Variants in EMB observed in about 807,000 individuals in gnomAD.
EMB encodes embigin, also known as embigin homolog.
EMB carries 31 observed loss-of-function variants against 41.4 expected under a neutral mutation model. That is an observed-to-expected ratio of 0.75 (90% CI 0.56 to 1.01). EMB has a LOEUF of 1.01. Among genes scored for constraint, EMB ranks in the 50% least tolerant of loss-of-function variants. The pLI is 0.00. For missense variants in EMB, 379 were observed against 388.3 expected, an observed-to-expected ratio of 0.98 and a Z score of 0.20; for synonymous variants, 137 against 140.4, an observed-to-expected ratio of 0.98 and a Z score of 0.17.
At position 50,441,164 on chromosome 5, in the gene EMB, T is replaced by C; in HGVS notation, c.-13A>G. 1 of 1,444,290 alleles carries C rather than the reference T, an allele frequency of 6.9e-7. No individual in the cohort carries two copies. The highest frequency in any genetic ancestry group is 9.2e-7 in the Non-Finnish European group (1 of 1,092,896). 89.5% of individuals were successfully genotyped at this position (1,444,290 alleles called of 1,614,324 possible). ...GGAGGGCGCGCATGGCGCCAGAGGG[T>C]CCGCCTGGGTCCTCGTGGAGACTGC... On this transcript the variant is annotated 5_prime_UTR_variant, in exon 1 of 9. Transcript: ENST00000303221.
At chr5:50,414,528 C>CAA (rs34645448) in intron 2 of EMB, among the ~76,000 whole-genome samples, 737 of 46,668 alleles carry the variant, frequency 0.016, 47 homozygotes, top group African/African-American at 0.026. Flanking sequence ...CTGTCTCAGG[C>CAA]AAAAAAAAAA....
chr5:50,406,659 A>C (rs1212738353), intron 4 of EMB, among the ~76,000 whole-genome samples: 1 of 152,036 alleles, frequency 6.6e-6, no homozygotes, highest in Non-Finnish European at 1.5e-5. Flanking sequence ...AGGTACACTT[A>C]CACTGAAGAT....
At chr5:50,428,556 TGA>T in intron 1 of EMB, 1 of 999,592 alleles carries the variant, frequency 1.0e-6, no homozygotes, top group Non-Finnish European at 1.2e-6. Flanking sequence ...AGGAATCAGA[TGA>T]GAGAGCCAGA....
At chr5:50,426,769 A>C (rs1293597633) in intron 2 of EMB, among the ~76,000 whole-genome samples, 1 of 152,136 alleles carries the variant, frequency 6.6e-6, no homozygotes, top group Non-Finnish European at 1.5e-5. Context: ...CCATTTACAA[A>C]TAGTAGGTTA....
chr5:50,437,611 C>T (rs1405834310), intron 1 of EMB, among the ~76,000 whole-genome samples: 2 of 151,094 alleles, frequency 1.3e-5, no homozygotes, highest in South Asian at 2.1e-4. Context: ...CCAGTGGGAA[C>T]CCCTTTAAAT....
chr5:50,441,712 C>CT (rs374352002), upstream of EMB, among the ~76,000 whole-genome samples: 316 of 152,308 alleles, frequency 2.1e-3, 4 homozygotes, highest in African/African-American at 6.9e-3. Flanking sequence ...TCTTTCTTTG[C>CT]TTTGCCTACC....
chr5:50,412,659 G>A (rs1187377850), intron 2 of EMB, among the ~76,000 whole-genome samples: 2 of 133,534 alleles, frequency 1.5e-5, no homozygotes, highest in Non-Finnish European at 3.4e-5. Context: ...ACATGTTTTG[G>A]TAACTTTTGT....
intron 1 of EMB, among the ~76,000 whole-genome samples, chr5:50,434,724 T>C (rs1371576218): frequency 6.6e-6 from 1 of 152,100 alleles, no homozygotes; most frequent in Non-Finnish European, 1.5e-5. Flanking sequence ...GCCAGGAAAA[T>C]GCTATTTTCA....
intron 2 of EMB, among the ~76,000 whole-genome samples, chr5:50,423,241 G>T (rs1745554959): frequency 6.6e-6 from 1 of 151,886 alleles, no homozygotes; most frequent in Non-Finnish European, 1.5e-5. Flanking sequence ...AGTTTTTATG[G>T]ATGCACACAT....
intron 2 of EMB, among the ~76,000 whole-genome samples, chr5:50,417,124 C>A (rs1745442231): frequency 6.6e-6 from 1 of 152,098 alleles, no homozygotes; most frequent in Admixed American, 6.6e-5. Flanking sequence ...CGGGCTAAAC[C>A]CCAATGTTCG....
At chr5:50,429,968 TTCTCTCTCTCTC>T (rs780667856) in intron 1 of EMB, among the ~76,000 whole-genome samples, 29 of 62,146 alleles carry the variant, frequency 4.7e-4, no homozygotes, top group East Asian at 2.1e-3. Context: ...CCAACTCTCT[TTCTCTCTCTCTC>T]TCTCTCTCTC....
chr5:50,408,124 G>T (rs559911424), intron 4 of EMB, among the ~76,000 whole-genome samples: 1 of 152,038 alleles, frequency 6.6e-6, no homozygotes, highest in East Asian at 1.9e-4. Context: ...ACTTCCAGGG[G>T]AAGACAGATA....
chr5:50,430,834 C>G (rs1745709735), intron 1 of EMB, among the ~76,000 whole-genome samples: 1 of 152,116 alleles, frequency 6.6e-6, no homozygotes, highest in Non-Finnish European at 1.5e-5. Context: ...GGGCTATTCT[C>G]CCTTACTGAT....
intron 7 of EMB, among the ~76,000 whole-genome samples, chr5:50,400,399 T>A (rs2883165): frequency 6.6e-6 from 1 of 151,974 alleles, no homozygotes; most frequent in African/African-American, 2.4e-5. Flanking sequence ...ATAACCAGTA[T>A]GCATAATGAA....
intron 1 of EMB, among the ~76,000 whole-genome samples, chr5:50,432,408 A>T (rs1342764228): frequency 6.6e-6 from 1 of 152,178 alleles, no homozygotes; most frequent in East Asian, 1.9e-4. Flanking sequence ...CAATTACAGA[A>T]ACACTGATAG....
At chr5:50,417,758 T>A (rs1401360689) in intron 2 of EMB, among the ~76,000 whole-genome samples, 1 of 152,224 alleles carries the variant, frequency 6.6e-6, no homozygotes, top group Non-Finnish European at 1.5e-5. Context: ...TTCAAACTTT[T>A]AGAATTTTTT....
intron 6 of EMB, among the ~76,000 whole-genome samples, chr5:50,402,526 G>T (rs1350147429): frequency 6.6e-6 from 1 of 151,906 alleles, no homozygotes; most frequent in Non-Finnish European, 1.5e-5. Context: ...ACATAGTTTA[G>T]TGGCCTGGTA....
chr5:50,400,948 G>A (rs572881494), intron 7 of EMB, among the ~76,000 whole-genome samples: 11 of 152,106 alleles, frequency 7.2e-5, no homozygotes, highest in African/African-American at 2.2e-4. Context: ...ACAGTGGGAG[G>A]CAGAGCTCGG....
At chr5:50,405,986 C>T in intron 4 of EMB, 134 bp from the exon 5 acceptor site, 1 of 1,271,596 alleles carries the variant, frequency 7.9e-7, no homozygotes, top group South Asian at 1.8e-5. Context: ...ATCAATGAAA[C>T]TAATTTATAG....
Sources: allele counts gnomAD v4.1 joint callset (sites outside exome capture counted in the v4.1 genomes callset), GRCh38; gene constraint gnomAD v4.1.1; transcripts MANE v1.5; gene names NCBI Gene and HGNC (gene_info 2026-07-23, HGNC 2026-07-21).